The following JMJD6 variants were observed in gnomAD, a reference collection of about 807,000 sequenced individuals.
The protein encoded by JMJD6 is bifunctional arginine demethylase and lysyl-hydroxylase JMJD6.
JMJD6 carries 17 observed loss-of-function variants against 45.8 expected under a neutral mutation model. The observed-to-expected ratio is 0.37, with a 90% CI of 0.25 to 0.56. JMJD6 has a LOEUF of 0.56. JMJD6 is among the 20% of genes least tolerant of loss of function. JMJD6 has a pLI of 0.79. For synonymous variants in JMJD6, 221 were observed against 196.3 expected, an observed-to-expected ratio of 1.13 and a Z score of -1.05; for missense variants, 470 against 517.5, an observed-to-expected ratio of 0.91 and a Z score of 0.89.
At chr17:76,723,330 G>A (rs2076852430) in intron 3 of JMJD6, among the ~76,000 whole-genome samples, 2 of 152,136 alleles carry the variant, frequency 1.3e-5, no homozygotes, top group African/African-American at 2.4e-5. Flanking sequence ...ACATGTTACT[G>A]TCAGAGGTGA....
At chr17:76,724,368 G>C (rs2143739772) in intron 2 of JMJD6, among the ~76,000 whole-genome samples, 1 of 151,990 alleles carries the variant, frequency 6.6e-6, no homozygotes, top group Non-Finnish European at 1.5e-5. Context: ...GTGATCACCT[G>C]CCTCGGCCTC....
At chr17:76,718,889 G>T (rs1208008467) in intron 5 of JMJD6, 29 bp from the exon 6 acceptor site, 1 of 1,606,198 alleles carries the variant, frequency 6.2e-7, no homozygotes, top group East Asian at 2.2e-5. Context: ...AAAACAAGGA[G>T]TCAACCTGGA....
In JMJD6 at chr17:76,721,868, T is replaced by C. The variant is rs2076829381; in HGVS notation, c.871A>G (p.Ser291Gly). 1.9e-6 allele frequency: 3 copies of C among 1,614,212 alleles called. No individual in the cohort carries two copies. The highest frequency in any genetic ancestry group is 1.7e-6 in the Non-Finnish European group (2 of 1,180,032). ...TGCCATACCACAGGGAAGTTGGTGC[T>C]GCTGGCAAAATTTTGGGTGATGGCG... ...TIAITQNFASSTNFPVVWHKT... is the reference protein window; with the variant it reads ...TIAITQNFASGTNFPVVWHKT... The change falls in exon 4 of 6, where the codon AGC becomes GGC. Residue 291 changes from serine (S) to glycine (G), a missense_variant. This residue lies in a region of JMJD6 where 58 missense variants were observed against 103.9 expected (regional missense o/e 0.56). Transcript: ENST00000397625.
chr17:76,717,828 A>C (rs1359043028), downstream of JMJD6, among the ~76,000 whole-genome samples: 1 of 99,600 alleles, frequency 1.0e-5, no homozygotes, highest in South Asian at 2.8e-4. Context: ...GTCTCTACTA[A>C]AAATAAAAAA....
intron 4 of JMJD6, chr17:76,720,758 T>G: frequency 2.8e-6 from 1 of 360,146 alleles, no homozygotes; most frequent in South Asian, 5.8e-5. Context: ...GAGCCAGCCG[T>G]GCCACCAATA....
chr17:76,722,479 G>A (rs941642341), intron 3 of JMJD6, among the ~76,000 whole-genome samples: 8 of 152,198 alleles, frequency 5.3e-5, no homozygotes, highest in South Asian at 2.1e-4. Context: ...CACTTTGGGA[G>A]GCTGAGGCAG....
chr17:76,716,829 T>A (rs752139857), downstream of JMJD6: 2 of 1,096,910 alleles, frequency 1.8e-6, no homozygotes, highest in Non-Finnish European at 2.8e-6. Context: ...CACGTGGAAG[T>A]CATGGCAGGG....
chr17:76,724,121 AAT>A, intron 2 of JMJD6, 63 bp from the exon 3 acceptor site: 1 of 1,551,644 alleles, frequency 6.4e-7, no homozygotes, highest in Non-Finnish European at 8.8e-7. Context: ...CACACAAAAC[AAT>A]AAGTTTTTAG....
At chr17:76,716,601 G>T, downstream of JMJD6, 1 of 1,221,600 alleles carries the variant, frequency 8.2e-7, no homozygotes. Context: ...AGAGGAGAAG[G>T]TAGGAGCAGA....
In JMJD6 at chr17:76,723,929, T is replaced by G; in HGVS notation, c.648A>C (p.Glu216Asp). Residue 216 changes from glutamate to aspartate, a missense_variant, in exon 3 of 6, where the codon GAA becomes GAC. Glu to Asp is a conservative substitution (Grantham distance 45). Coordinates refer to ENST00000397625, the MANE Select transcript of JMJD6 (RefSeq NM_015167.3). Reference sequence around the variant, plus strand: ...CTTCGTCTCGGGTCACTTTGATGAGTTCCCTGGGAGTGCTGGTAGGAAACA... The same window carrying G: ...CTTCGTCTCGGGTCACTTTGATGAGGTCCCTGGGAGTGCTGGTAGGAAACA... ...WCLFPTSTPRELIKVTRDEGG... is the reference protein window; with the variant it reads ...WCLFPTSTPRDLIKVTRDEGG... The G allele has an allele frequency of 6.2e-7, 1 of 1,614,044 alleles. No individual in the cohort carries two copies. Among genetic ancestry groups the G allele is most frequent in the African/African-American group, 1.3e-5 (1 of 74,968 alleles).
downstream of JMJD6, among the ~76,000 whole-genome samples, chr17:76,717,795 C>G (rs2076776357): frequency 6.6e-6 from 1 of 151,490 alleles, no homozygotes; most frequent in African/African-American, 2.4e-5. Flanking sequence ...TTGAGACAAG[C>G]CTGGCCAATA....
intron 5 of JMJD6, among the ~76,000 whole-genome samples, chr17:76,719,622 C>T (rs2076798438): frequency 6.6e-6 from 1 of 152,182 alleles, no homozygotes; most frequent in African/African-American, 2.4e-5. Context: ...AGGTGCAGGG[C>T]CCTCTCACCC....
At position 76,720,322 on chromosome 17, in the gene JMJD6, T is replaced by C. The variant is rs1042360315; in HGVS notation, c.1080+38A>G. 6 of 1,598,532 alleles carry C rather than the reference T, an allele frequency of 3.8e-6. No individual in the cohort carries two copies. In the African/African-American group the frequency reaches 6.7e-5, roughly 18 times the overall value. On this transcript the variant is annotated intron_variant, in intron 5 of 5. Coordinates refer to ENST00000397625, the MANE Select transcript of JMJD6 (RefSeq NM_015167.3). ...GGTTATGACTGAGTTACATGAGCCT[T>C]GGAGGCTCCAGGAGTCAGCCAGAGA...
chr17:76,726,028 A>AC (rs1285461419), intron 1 of JMJD6, among the ~76,000 whole-genome samples, 173 bp from the exon 2 acceptor site: 1 of 152,102 alleles, frequency 6.6e-6, no homozygotes, highest in African/African-American at 2.4e-5. Flanking sequence ...TCCTAGAGCC[A>AC]CCCCCCATGA....
At chr17:76,716,699 C>T (rs761293179), downstream of JMJD6, 41 of 1,613,898 alleles carry the variant, frequency 2.5e-5, no homozygotes, top group South Asian at 3.3e-5. Flanking sequence ...GGGGTGAGCC[C>T]GGCCTCCACA....
chr17:76,718,839 C>T lies in JMJD6; in HGVS notation c.1102G>A (p.Asp368Asn), dbSNP rs372708038. 9.1e-5 allele frequency: 147 copies of T among 1,614,108 alleles called. 1 individual carries two copies. The African/African-American group carries it at 1.4e-3, about 15-fold the overall frequency. Residue 368 changes from aspartate to asparagine, a missense_variant, in exon 6 of 6, where the codon GAT becomes AAT. By Grantham distance (23) the Asp-to-Asn change is conservative. Coordinates refer to ENST00000397625, the MANE Select transcript of JMJD6 (RefSeq NM_015167.3). ...TTCTTCCTGCGGTGCACTGTCCCAT[C>T]GCCCTCGGATCCAGACTCGCACTGG... Reference protein sequence around the residue: ...DSECESGSEGDGTVHRRKKRR... With the variant: ...DSECESGSEGNGTVHRRKKRR...
chr17:76,717,978 G>A (rs981630318), downstream of JMJD6, among the ~76,000 whole-genome samples: 7 of 150,678 alleles, frequency 4.6e-5, no homozygotes, highest in South Asian at 2.1e-4. Context: ...ACAACAGAGC[G>A]AGACTCTGTC....
chr17:76,724,233 T>C (rs1405844959), intron 2 of JMJD6, among the ~76,000 whole-genome samples, 175 bp from the exon 3 acceptor site: 1 of 152,116 alleles, frequency 6.6e-6, no homozygotes, highest in African/African-American at 2.4e-5. Flanking sequence ...GTGATTCTCC[T>C]GCCTTAGCCT....
intron 4 of JMJD6, 65 bp downstream of exon 4, chr17:76,721,733 C>T (rs1598377440): frequency 6.5e-7 from 1 of 1,532,354 alleles, no homozygotes; most frequent in Non-Finnish European, 9.0e-7. Context: ...CAGCAGTGGA[C>T]TAGCCATTTT....
Sources: gnomAD v4.1 joint callset for allele counts (sites outside exome capture counted in the v4.1 genomes callset) on GRCh38, gnomAD v4.1.1 for gene constraint, gnomAD v4.1.1 regional missense constraint, MANE v1.5 for transcripts, NCBI Gene and HGNC (gene_info 2026-07-23, HGNC 2026-07-21) for gene names.